The following ITFG2 variants were observed in gnomAD, a reference collection of about 807,000 sequenced individuals.
ITFG2 encodes integrin alpha FG-GAP repeat containing 2.
In ITFG2, 36 loss-of-function variants were observed where a neutral mutation model predicts 54.4. The observed-to-expected ratio is 0.66, with a 90% CI of 0.51 to 0.87. The LOEUF is 0.87. Ranked by LOEUF, ITFG2 falls within the 40% of genes least tolerant of loss-of-function variation. The pLI is 0.00. For missense variants in ITFG2, 524 were observed against 576.7 expected (o/e 0.91, Z 0.94); for synonymous variants, 211 against 225.4 (o/e 0.94, Z 0.57).
At position 2,855,488 on chromosome 12, in the gene ITFG2, CAG is replaced by C. The variant is rs535977860; in HGVS notation, n.301-2523_301-2522del. The C allele has an allele frequency of 9.2e-5, 126 of 1,369,928 alleles. 1 individual carries two copies. The highest frequency in any genetic ancestry group is 8.4e-4 in the Admixed American group (29 of 34,722). The allele number at this position is 1,369,928 out of a possible 1,614,324, so 84.9% of individuals were successfully genotyped here. A position where few individuals can be genotyped will look rare whatever the true frequency, so the allele number is the denominator to read the frequency against. On this transcript the variant is annotated intron_variant and non_coding_transcript_variant, in intron 2 of 3. Transcript: ENST00000537710. ...GGGAGCCTGGGGAAGGTTGTGCAGACAGGGGTGCAGAAAGGTGGGTGAGGCAC... is the reference window on the plus strand; with the variant it reads ...GGGAGCCTGGGGAAGGTTGTGCAGACGGGTGCAGAAAGGTGGGTGAGGCAC...
At chr12:2,854,997 C>T in intron 2 of ITFG2, 5 of 1,536,246 alleles carry the variant, frequency 3.3e-6, no homozygotes, top group South Asian at 1.2e-5. Context: ...TCAACTCCTT[C>T]ACTGTCCTGA....
chr12:2,827,308 T>C (rs1603483727), downstream of ITFG2: 1 of 1,611,060 alleles, frequency 6.2e-7, no homozygotes, highest in Non-Finnish European at 8.5e-7. The surrounding 1 kb of genome is among the most constrained non-coding windows in gnomAD (Gnocchi z 4.0). Context: ...CACTGCGGGG[T>C]GTAGAGCAGT....
At chr12:2,835,159 A>ATGTGTGTGTGTGTGTGTG (rs375198605), upstream of ITFG2, 94 of 1,127,508 alleles carry the variant, frequency 8.3e-5, 4 homozygotes, top group East Asian at 1.3e-3. Context: ...GATGGGGCGT[A>ATGTGTGTGTGTGTGTGTG]TGTGTGTGTG....
chr12:2,854,585 C>CT (rs960410363), intron 2 of ITFG2, among the ~76,000 whole-genome samples: 64 of 152,278 alleles, frequency 4.2e-4, no homozygotes, highest in Middle Eastern at 3.4e-3. Context: ...CATGTGTAGC[C>CT]TTTTTTTGAT....
intron 2 of ITFG2, among the ~76,000 whole-genome samples, chr12:2,853,526 G>T (rs2098077858): frequency 6.6e-6 from 1 of 152,022 alleles, no homozygotes; most frequent in South Asian, 2.1e-4. Context: ...GCCTGCCTTG[G>T]CCTCCCAAAG....
intron 1 of ITFG2, among the ~76,000 whole-genome samples, chr12:2,838,003 C>T (rs1289144170): frequency 2.0e-5 from 3 of 152,118 alleles, no homozygotes; most frequent in Non-Finnish European, 4.4e-5. Context: ...AATAGGATGC[C>T]ATTTCTCAAG....
In ITFG2 at chr12:2,817,287, G is replaced by A. The variant is rs767340383; in HGVS notation, c.161G>A (p.Arg54Gln). The part of the protein sequence containing the change: ...KVSVYKNDDS[R>Q]PWLTCSCQGM... ...TCTGTGTATAAAAATGATGACAGTC[G>A]GCCATGGCTCACCTGTTCCTGCCAG... The change falls in exon 2 of 12, where the codon CGG becomes CAG. Residue 54 changes from arginine to glutamine, a missense_variant. Coordinates refer to ENST00000228799, the MANE Select transcript of ITFG2 (RefSeq NM_018463.4). 1.6e-5 allele frequency: 26 copies of A among 1,613,630 alleles called. No individual in the cohort carries two copies. The highest frequency in any genetic ancestry group is 3.3e-5 in the South Asian group (3 of 91,028).
intron 2 of ITFG2, among the ~76,000 whole-genome samples, chr12:2,844,114 C>T (rs570903013): frequency 7.7e-6 from 1 of 130,074 alleles, no homozygotes. Flanking sequence ...AAAAAATAGC[C>T]AGGCATGGTG....
At position 2,859,586 on chromosome 12, in the gene ITFG2, T is replaced by A. The variant is rs1348248458; in HGVS notation, n.673T>A. ...GAACTGGAAGCAAAGGAGAAAACCC[T>A]TCTCCAAACAGGAGTTTCTCCTCTT... is the stretch of plus-strand genomic sequence containing the variant. On this transcript the variant is annotated non_coding_transcript_exon_variant, in exon 4 of 4. Transcript: ENST00000537710. 1.9e-6 allele frequency: 3 copies of A among 1,613,734 alleles called. No homozygotes were observed. In the African/African-American group the frequency reaches 4.0e-5, roughly 22 times the overall value.
chr12:2,822,168 C>A (rs1012749225), intron 9 of ITFG2, among the ~76,000 whole-genome samples: 6 of 152,264 alleles, frequency 3.9e-5, no homozygotes, highest in African/African-American at 9.6e-5. Flanking sequence ...GCAATCCTCT[C>A]GTCTTAGCCT....
chr12:2,850,301 C>G (rs1458885210), intron 2 of ITFG2, among the ~76,000 whole-genome samples: 3 of 151,968 alleles, frequency 2.0e-5, no homozygotes, highest in Non-Finnish European at 4.4e-5. Context: ...TGATGAAACT[C>G]CGTCTCTACT....
At chr12:2,836,017 C>T (rs895987799), upstream of ITFG2, among the ~76,000 whole-genome samples, 8 of 152,210 alleles carry the variant, frequency 5.3e-5, no homozygotes, top group Admixed American at 2.0e-4. Flanking sequence ...GCATGCATGA[C>T]ATTGAGGAAA....
chr12:2,840,780 C>T (rs1450439601), intron 1 of ITFG2: 3 of 152,122 alleles, frequency 2.0e-5, no homozygotes, highest in Non-Finnish European at 2.9e-5. Context: ...AGCAAGACTC[C>T]GTCTCAAAAT....
At chr12:2,840,115 A>C (rs2098037476) in intron 1 of ITFG2, among the ~76,000 whole-genome samples, 1 of 152,020 alleles carries the variant, frequency 6.6e-6, no homozygotes, top group Admixed American at 6.6e-5. Context: ...AAAAAAAAAA[A>C]AAAAGGGCAA....
chr12:2,844,727 T>C (rs1190834608), intron 2 of ITFG2, among the ~76,000 whole-genome samples: 3 of 152,136 alleles, frequency 2.0e-5, no homozygotes, highest in East Asian at 3.8e-4. Flanking sequence ...TTGCCTAAGC[T>C]GTGGGCCTGC....
downstream of ITFG2, among the ~76,000 whole-genome samples, chr12:2,829,723 TGCCACTACACTCCA>T (rs1276393678): frequency 6.6e-6 from 1 of 152,008 alleles, no homozygotes; most frequent in East Asian, 1.9e-4. Context: ...GCTCTGATCA[TGCCACTACACTCCA>T]GCCTGGGTGA....
upstream of ITFG2, among the ~76,000 whole-genome samples, chr12:2,831,956 T>C (rs910820047): frequency 2.6e-5 from 4 of 152,132 alleles, no homozygotes; most frequent in African/African-American, 9.7e-5. Flanking sequence ...TCTCGGATCC[T>C]TGGAACACCT....
intron 5 of ITFG2, 68 bp from the exon 6 acceptor site, chr12:2,820,656 C>CCCCCCCCTT: frequency 1.8e-6 from 2 of 1,141,416 alleles, no homozygotes; most frequent in Non-Finnish European, 2.5e-6. Context: ...CCACCGCCCC[C>CCCCCCCCTT]TGCCGTTCTC....
intron 3 of ITFG2, chr12:2,858,973 G>A (rs779597736): frequency 6.2e-7 from 1 of 1,613,446 alleles, no homozygotes; most frequent in Non-Finnish European, 8.5e-7. Flanking sequence ...AGCCCCAGGG[G>A]GTCAGGCAAG....
Sources: allele counts gnomAD v4.1 joint callset (sites outside exome capture counted in the v4.1 genomes callset), GRCh38; gene constraint gnomAD v4.1.1; non-coding constraint Gnocchi (gnomAD v3.1); transcripts MANE v1.5; gene names NCBI Gene and HGNC (gene_info 2026-07-23, HGNC 2026-07-21).